PLA2G2E: variants seen among roughly 807,000 people sequenced by gnomAD.
PLA2G2E encodes the protein phospholipase A2 group IIE, also known as group IIE secretory phospholipase A2.
PLA2G2E carries 14 observed loss-of-function variants against 16.5 expected under a neutral mutation model. The observed-to-expected ratio is 0.85, with a 90% CI of 0.56 to 1.33. The LOEUF (loss-of-function observed/expected upper bound fraction) is 1.33, where lower values mean the gene tolerates loss of function less well. PLA2G2E is among the 40% of genes most tolerant of loss of function. PLA2G2E has a pLI of 0.00. For synonymous variants in PLA2G2E, 72 were observed against 77.2 expected (o/e 0.93, Z 0.36); for missense variants, 174 against 190.7 (o/e 0.91, Z 0.52).
Position 19,923,564 on chromosome 1 carries a change from G to C in PLA2G2E, c.-5C>G. On this transcript the variant is annotated 5_prime_UTR_variant, in exon 1 of 4. Transcript: ENST00000375116. Reference sequence around the variant, plus strand: ...CAGCACGTGGGGAGATTTCATCCCAGGTTGGGGGGAAGGGAGGTGCACAAG... The same window carrying C: ...CAGCACGTGGGGAGATTTCATCCCACGTTGGGGGGAAGGGAGGTGCACAAG... 6.5e-7 allele frequency: 1 copy of C among 1,550,290 alleles called. No individual in the cohort carries two copies. The highest frequency in any genetic ancestry group is 8.7e-7 in the Non-Finnish European group (1 of 1,146,392).
In PLA2G2E at chr1:19,923,573, G is replaced by A. The variant is rs1264617782; in HGVS notation, c.-14C>T. ...GGGAGATTTCATCCCAGGTTGGGGG[G>A]AAGGGAGGTGCACAAGGAGCATAAA... On this transcript the variant is annotated 5_prime_UTR_variant, in exon 1 of 4. Coordinates refer to ENST00000375116, the MANE Select transcript of PLA2G2E (RefSeq NM_014589.3). The A allele has an allele frequency of 2.6e-6, 4 of 1,549,268 alleles. No individual in the cohort carries two copies. The highest frequency in any genetic ancestry group is 1.2e-5 in the South Asian group (1 of 83,380).
intron 2 of PLA2G2E, 86 bp downstream of exon 2, chr1:19,922,531 A>G: frequency 6.4e-7 from 1 of 1,571,934 alleles, no homozygotes. Context: ...AGGTGCCCCC[A>G]GGCTTCCCTC....
chr1:19,923,439 G>A, intron 1 of PLA2G2E, 81 bp downstream of exon 1: 1 of 1,247,330 alleles, frequency 8.0e-7, no homozygotes. Flanking sequence ...CACACCCTCG[G>A]TAGGGCCAGG....
rs903936044 is a variant in PLA2G2E, at chr1:19,922,937, C to T, written c.41-182G>A. 3.3e-5 allele frequency among the ~76,000 whole-genome samples: 5 copies of T among 152,206 alleles called. 1 individual carries two copies. The South Asian group carries it at 8.3e-4, about 25-fold the overall frequency. On this transcript the variant is annotated intron_variant, in intron 1 of 3. Transcript: ENST00000375116. ...AAGTAATAATATTGCCAGTGACATC[C>T]GTTGCACCTTCATCCCCTAGTCCTC...
intron 2 of PLA2G2E, 106 bp from the exon 3 acceptor site, chr1:19,922,510 C>T (rs2045824175): frequency 1.3e-6 from 2 of 1,553,466 alleles, no homozygotes; most frequent in African/African-American, 1.4e-5. Context: ...AGAGATCAGC[C>T]TGAATTTTCC....
chr1:19,922,509 C>T, intron 2 of PLA2G2E, 105 bp from the exon 3 acceptor site: 1 of 1,550,790 alleles, frequency 6.4e-7, no homozygotes, highest in Non-Finnish European at 8.8e-7. Context: ...GAGAGATCAG[C>T]CTGAATTTTC....
chr1:19,920,290 G>A lies in PLA2G2E; in HGVS notation c.*17C>T. ...GAGGCGGGACCTCCAGGGACGGGGG[G>A]GAGGCCGAGCATAGCCTCAGCAGGG... On this transcript the variant is annotated 3_prime_UTR_variant, in exon 4 of 4. Transcript: ENST00000375116. The surrounding 1 kb of genome is among the most constrained non-coding windows in gnomAD (Gnocchi z 4.3). 6.8e-6 allele frequency: 11 copies of A among 1,606,398 alleles called. No homozygotes were observed. The highest frequency in any genetic ancestry group is 9.4e-6 in the Non-Finnish European group (11 of 1,176,106).
rs749295415 is a variant in PLA2G2E, at chr1:19,920,329, G to A, written c.407C>T (p.Thr136Ile). Residue 136 changes from threonine (T) to isoleucine (I), a missense_variant, in exon 4 of 4, where the codon ACC becomes ATC. By Grantham distance (89) the Thr-to-Ile change is moderately conservative (BLOSUM62 -1). Transcript: ENST00000375116. The surrounding 1 kb of genome is among the most constrained non-coding windows in gnomAD (Gnocchi z 4.3). The part of the protein sequence containing the change: ...KYAHYPNKLC[T>I]GPTPPC ...GCCTCAGCAGGGCGGGGTGGGCCCG[G>A]TGCACAGCTTGTTGGGATAATGGGC... 6.2e-7 allele frequency: 1 copy of A among 1,612,948 alleles called. No homozygotes were observed. The highest frequency in any genetic ancestry group is 2.2e-5 in the East Asian group (1 of 44,880).
rs74059111 is a variant in PLA2G2E, at chr1:19,922,434, C to A, written c.180-30G>T. On this transcript the variant is annotated intron_variant, in intron 2 of 3. Coordinates refer to ENST00000375116, the MANE Select transcript of PLA2G2E (RefSeq NM_014589.3). ...AAGGGTCATGGTTGACCTGGAGGGA[C>A]CTGTGAGCCAGGCTGGGCTGGACCA... is the stretch of plus-strand genomic sequence containing the variant. 4.0e-4 allele frequency: 639 copies of A among 1,598,510 alleles called. 1 individual carries two copies. In the African/African-American group the frequency reaches 7.0e-3, roughly 17 times the overall value.
Position 19,922,348 on chromosome 1 carries a change from G to A in PLA2G2E, c.236C>T (p.Pro79Leu), listed in dbSNP as rs1359190863. 2 of 1,614,022 alleles carry A rather than the reference G, an allele frequency of 1.2e-6. No individual in the cohort carries two copies. The highest frequency in any genetic ancestry group is 1.7e-6 in the Non-Finnish European group (2 of 1,179,948). Residue 79 changes from proline to leucine, a missense_variant, in exon 3 of 4, where the codon CCC becomes CTC. Coordinates refer to ENST00000375116, the MANE Select transcript of PLA2G2E (RefSeq NM_014589.3). ...YGRLEKLGCE[P>L]KLEKYLFSVS... ...AGAGAAAAGATACTTTTCCAGTTTG[G>A]GCTCACAGCCCAGCTTCTCCAGACG...
In PLA2G2E at chr1:19,920,417, C is replaced by A. The variant is rs746108367; in HGVS notation, c.319G>T (p.Glu107Ter). 1.2e-6 allele frequency: 2 copies of A among 1,613,740 alleles called. No individual in the cohort carries two copies. Among genetic ancestry groups the A allele is most frequent in the Admixed American group, 1.7e-5 (1 of 60,006 alleles). Reference sequence around the variant, plus strand: ...CAGAGGGCAGCCCTCTTGTCACACTCGCAGGTCAGCCGCTGGCAGGTGGTC... The same window carrying A: ...CAGAGGGCAGCCCTCTTGTCACACTAGCAGGTCAGCCGCTGGCAGGTGGTC... Reference protein sequence around the residue: ...GRTTCQRLTCECDKRAALCFR... With the variant: ...GRTTCQRLTC The change falls in exon 4 of 4, where the codon GAG (glutamate) becomes TAG (stop). Residue 107 changes from glutamate (E) to a stop codon, truncating the protein, a stop_gained. Transcript: ENST00000375116. LOFTEE classifies it high-confidence loss of function. This position sits in a 1 kb window ranked among gnomAD's most constrained non-coding sequence, Gnocchi z 4.3.
Position 19,922,892 on chromosome 1 carries a change from TCAA to T in PLA2G2E, c.41-140_41-138del, listed in dbSNP as rs1345924895. On this transcript the variant is annotated intron_variant, in intron 1 of 3. Coordinates refer to ENST00000375116, the MANE Select transcript of PLA2G2E (RefSeq NM_014589.3). ...CTCACCTCCCCAAAGCAACCCACTC[TCAA>T]CAACAACCGTGGTAATAAGTAATAA... 1.4e-5 allele frequency: 12 copies of T among 882,098 alleles called. No individual in the cohort carries two copies. In the South Asian group the frequency reaches 1.7e-4, roughly 12 times the overall value. 54.6% of individuals were successfully genotyped at this position (882,098 alleles called of 1,614,324 possible).
chr1:19,920,580 G>C lies in PLA2G2E; in HGVS notation c.287-131C>G. ...TGATGGAAGCCCAAGCTCCCGGGTT[G>C]TTTCACGGATGGGTGAGACAAGAGA... is the stretch of plus-strand genomic sequence containing the variant. On this transcript the variant is annotated intron_variant, in intron 3 of 3. Coordinates refer to ENST00000375116, the MANE Select transcript of PLA2G2E (RefSeq NM_014589.3). The surrounding 1 kb of genome is among the most constrained non-coding windows in gnomAD (Gnocchi z 4.3). 1 of 880,640 alleles carries C rather than the reference G, an allele frequency of 1.1e-6. No individual in the cohort carries two copies. The highest frequency in any genetic ancestry group is 1.7e-5 in the South Asian group (1 of 58,300). 54.6% of individuals were successfully genotyped at this position (880,640 alleles called of 1,614,324 possible).
intron 2 of PLA2G2E, 75 bp downstream of exon 2, chr1:19,922,542 C>CTTCTCCCAGGA: frequency 6.3e-7 from 1 of 1,585,290 alleles, no homozygotes; most frequent in Non-Finnish European, 8.6e-7. Flanking sequence ...GGCTTCCCTC[C>CTTCTCCCAGGA]TTCTCCCAGG....
rs546930480 is a variant in PLA2G2E at position 19,922,475 on chromosome 1, C to G, written c.180-71G>C. ...GGCTGGACCAGGGGCTGCTCGGGGC[C>G]CCCGAGCCCAAAGCAGCCCAGAGGA... On this transcript the variant is annotated intron_variant, in intron 2 of 3. Transcript: ENST00000375116. 5.8e-6 allele frequency: 9 copies of G among 1,549,970 alleles called. 1 individual carries two copies. In the South Asian group the frequency reaches 1.0e-4, roughly 18 times the overall value.
rs539518077 is a variant in PLA2G2E at position 19,920,755 on chromosome 1, C to T, written c.287-306G>A. 6.6e-6 allele frequency among the ~76,000 whole-genome samples: 1 copy of T among 152,144 alleles called. No homozygotes were observed. ...GTGGTTCCCTAACTCTCACTGCCCC[C>T]GACCAGGGGGATTTCTAGGCAACCC... On this transcript the variant is annotated intron_variant, in intron 3 of 3. Transcript: ENST00000375116. The surrounding 1 kb of genome is among the most constrained non-coding windows in gnomAD (Gnocchi z 4.3).
chr1:19,922,782 A>AGGGAGGGTGG, intron 1 of PLA2G2E, 27 bp from the exon 2 acceptor site: 2 of 1,610,632 alleles, frequency 1.2e-6, no homozygotes, highest in East Asian at 4.5e-5. Flanking sequence ...GGAGAGGGAG[A>AGGGAGGGTGG]GGGAGGGCCC....
intron 1 of PLA2G2E, 82 bp downstream of exon 1, chr1:19,923,438 G>T (rs2045834962): frequency 8.1e-7 from 1 of 1,236,034 alleles, no homozygotes; most frequent in African/African-American, 1.5e-5. Context: ...CCACACCCTC[G>T]GTAGGGCCAG....
At chr1:19,921,397 A>G (rs72658593) in intron 3 of PLA2G2E, among the ~76,000 whole-genome samples, 16,969 of 152,232 alleles carry the variant, frequency 0.11, 1,076 homozygotes, top group Admixed American at 0.15. Flanking sequence ...TCACTTGTCC[A>G]AAGTCACAGG....
Sources: gnomAD v4.1 joint callset for allele counts (sites outside exome capture counted in the v4.1 genomes callset) on GRCh38, gnomAD v4.1.1 for gene constraint, Gnocchi (gnomAD v3.1) non-coding constraint, MANE v1.5 for transcripts, NCBI Gene and HGNC (gene_info 2026-07-23, HGNC 2026-07-21) for gene names.